Variants in C6orf89 observed in about 807,000 individuals in gnomAD.
C6orf89 encodes the protein bombesin receptor-activated protein C6orf89.
C6orf89 carries 29 observed loss-of-function variants against 40.7 expected under a neutral mutation model. The ratio of observed to expected loss-of-function variants is 0.71; its 90% CI spans 0.53 to 0.97. C6orf89 has a LOEUF of 0.97. Ranked by LOEUF, C6orf89 falls within the 50% of genes least tolerant of loss-of-function variation. The probability of loss-of-function intolerance (pLI) is 0.00; values close to 1 mark genes in which losing one functional copy is unlikely to be tolerated. For synonymous variants in C6orf89, 165 were observed against 152.2 expected, an observed-to-expected ratio of 1.08 and a Z score of -0.62; for missense variants, 392 against 429.1, an observed-to-expected ratio of 0.91 and a Z score of 0.76.
At position 36,923,833 on chromosome 6, in the gene C6orf89, A is replaced by G; in HGVS notation, c.*392A>G. The G allele has an allele frequency of 3.3e-6, 1 of 307,446 alleles. No homozygotes were observed. Among genetic ancestry groups the G allele is most frequent in the Non-Finnish European group, 6.4e-6 (1 of 156,792 alleles). 19.0% of individuals were successfully genotyped at this position (307,446 alleles called of 1,614,324 possible). ...AGGGCAGCCAACAGGTTCTAATGTC[A>G]GAGCCATCCTTTACCAGGTGGGCCT... On this transcript the variant is annotated 3_prime_UTR_variant, in exon 9 of 9. Coordinates refer to ENST00000480824, the MANE Select transcript of C6orf89 (RefSeq NM_001286635.2).
At chr6:36,910,751 C>T (rs2150705476) in intron 4 of C6orf89, among the ~76,000 whole-genome samples, 1 of 151,436 alleles carries the variant, frequency 6.6e-6, no homozygotes, top group South Asian at 2.1e-4. Context: ...AGGCTGGTCT[C>T]AAACTCCTGG....
chr6:36,877,778 C>T (rs1482388357), intron 1 of C6orf89, among the ~76,000 whole-genome samples: 1 of 152,226 alleles, frequency 6.6e-6, no homozygotes, highest in Non-Finnish European at 1.5e-5. Flanking sequence ...TCACTAACAA[C>T]TAATGACTAA....
At chr6:36,888,274 T>A (rs1179282970) in intron 1 of C6orf89, among the ~76,000 whole-genome samples, 10 of 152,168 alleles carry the variant, frequency 6.6e-5, no homozygotes, top group South Asian at 6.2e-4. Context: ...GTCACCATGC[T>A]AAACTGCTCC....
At chr6:36,917,419 G>A (rs975826238) in intron 7 of C6orf89, among the ~76,000 whole-genome samples, 1 of 152,154 alleles carries the variant, frequency 6.6e-6, no homozygotes, top group Non-Finnish European at 1.5e-5. Context: ...ATTTGTGTCT[G>A]TTTACTTTTC....
chr6:36,894,475 A>C (rs1342951436), intron 1 of C6orf89, 29 bp from the exon 2 acceptor site: 1 of 951,666 alleles, frequency 1.1e-6, no homozygotes. Flanking sequence ...AAAATGTTGT[A>C]ATAAGTTATC....
At position 36,926,399 on chromosome 6, in the gene C6orf89, G is replaced by C. The variant is rs1762674199; in HGVS notation, c.*2958G>C. 1 of 152,110 alleles carries C rather than the reference G, an allele frequency of 6.6e-6. No homozygotes were observed. Among genetic ancestry groups the C allele is most frequent in the Admixed American group, 6.6e-5 (1 of 15,260 alleles). The allele number at this position is 152,110 out of a possible 1,614,324, so 9.4% of individuals were successfully genotyped here. A position where few individuals can be genotyped will look rare whatever the true frequency, so the allele number is the denominator to read the frequency against. On this transcript the variant is annotated 3_prime_UTR_variant, in exon 9 of 9. Transcript: ENST00000480824. ...AATACAAAAATTACCCAGGCGTGAT[G>C]GTGGGCGCCTGTAATCCCAGCTACA...
chr6:36,909,803 T>A (rs1047065065), intron 4 of C6orf89, among the ~76,000 whole-genome samples: 2 of 151,890 alleles, frequency 1.3e-5, no homozygotes, highest in African/African-American at 4.8e-5. Flanking sequence ...AAAAAAAAGT[T>A]TTTTGTTAAT....
At chr6:36,872,581 A>G (rs945026812) in intron 1 of C6orf89, among the ~76,000 whole-genome samples, 2 of 152,046 alleles carry the variant, frequency 1.3e-5, no homozygotes, top group African/African-American at 4.8e-5. Flanking sequence ...ACTCCAGCAC[A>G]TACCTAGACT....
At chr6:36,919,729 C>A in intron 8 of C6orf89, 28 bp downstream of exon 8, 1 of 1,553,334 alleles carries the variant, frequency 6.4e-7, no homozygotes, top group South Asian at 1.2e-5. Context: ...AGGGCAGGGT[C>A]AATGGATCTT....
Position 36,902,121 on chromosome 6 carries a change from C to T in C6orf89, c.190-100C>T, listed in dbSNP as rs1761744616. On this transcript the variant is annotated intron_variant, in intron 3 of 8. Coordinates refer to ENST00000480824, the MANE Select transcript of C6orf89 (RefSeq NM_001286635.2). ...TGAAAATGGATTAGTTCTTAAGGCACATTGGAAGTAGCAGAAGAAGCCTGT... is the reference window on the plus strand; with the variant it reads ...TGAAAATGGATTAGTTCTTAAGGCATATTGGAAGTAGCAGAAGAAGCCTGT... The T allele has an allele frequency of 5.2e-6, 5 of 952,462 alleles. No homozygotes were observed. In the East Asian group the frequency reaches 1.2e-4, roughly 23 times the overall value. 59.0% of individuals were successfully genotyped at this position (952,462 alleles called of 1,614,324 possible).
intron 4 of C6orf89, among the ~76,000 whole-genome samples, chr6:36,904,840 A>G (rs1412074512): frequency 6.6e-6 from 1 of 152,040 alleles, no homozygotes; most frequent in East Asian, 1.9e-4. Flanking sequence ...TTGCAGTGGC[A>G]CCTCGGGAAT....
At chr6:36,919,756 A>C (rs1415355083) in intron 8 of C6orf89, 55 bp downstream of exon 8, 13 of 1,517,176 alleles carry the variant, frequency 8.6e-6, no homozygotes, top group Non-Finnish European at 1.2e-5. Context: ...TTTTAACTCA[A>C]AAGCTATTTT....
Position 36,899,602 on chromosome 6 carries a change from C to T in C6orf89, c.158C>T (p.Pro53Leu), listed in dbSNP as rs140541687. Residue 53 changes from proline to leucine, a missense_variant, in exon 3 of 9, where the codon CCG becomes CTG. Physicochemically the swap from Pro to Leu is moderately conservative, Grantham distance 98. Transcript: ENST00000480824. ...AAGAATGAACCTCAGAGACCCCCCC[C>T]GCAGTATCCTCTCCTTATAGTTGTG... The part of the protein sequence containing the change: ...LEKNEPQRPP[P>L]QYPLLIVVYK... 3.3e-5 allele frequency: 54 copies of T among 1,614,160 alleles called. No homozygotes were observed. In the South Asian group the frequency reaches 3.7e-4, roughly 11 times the overall value.
At chr6:36,888,744 A>G (rs1402526099) in intron 1 of C6orf89, among the ~76,000 whole-genome samples, 1 of 152,224 alleles carries the variant, frequency 6.6e-6, no homozygotes, top group Non-Finnish European at 1.5e-5. Flanking sequence ...GAGATGTTGA[A>G]GACCTTAACT....
At chr6:36,920,297 G>A (rs1762469190) in intron 8 of C6orf89, among the ~76,000 whole-genome samples, 1 of 152,108 alleles carries the variant, frequency 6.6e-6, no homozygotes, top group African/African-American at 2.4e-5. Context: ...CTTGTCCTGT[G>A]CCTTATATCC....
chr6:36,917,932 G>A (rs531203650), intron 7 of C6orf89, among the ~76,000 whole-genome samples: 109 of 152,348 alleles, frequency 7.2e-4, no homozygotes, highest in African/African-American at 2.6e-3. Flanking sequence ...GAGTCATGCT[G>A]TGGTTCTCGA....
chr6:36,896,443 A>G (rs1761433541), intron 2 of C6orf89, among the ~76,000 whole-genome samples: 1 of 152,034 alleles, frequency 6.6e-6, no homozygotes, highest in African/African-American at 2.4e-5. Flanking sequence ...GGCTATTCAA[A>G]TCCTTTGTCT....
intron 1 of C6orf89, among the ~76,000 whole-genome samples, chr6:36,876,724 C>CAAAAA (rs71540176): frequency 1.1e-4 from 10 of 92,146 alleles, no homozygotes; most frequent in East Asian, 3.1e-4. Context: ...AACTCCATCT[C>CAAAAA]AAAAAAAAAA....
At chr6:36,913,457 C>T (rs779635453) in intron 4 of C6orf89, among the ~76,000 whole-genome samples, 8 of 152,334 alleles carry the variant, frequency 5.3e-5, no homozygotes, top group South Asian at 2.1e-4. Flanking sequence ...TCTTCCTTCC[C>T]GGAGTCCTGG....
Sources: allele counts gnomAD v4.1 joint callset (sites outside exome capture counted in the v4.1 genomes callset), GRCh38; gene constraint gnomAD v4.1.1; transcripts MANE v1.5; gene names NCBI Gene and HGNC (gene_info 2026-07-23, HGNC 2026-07-21).